FOSL1: variants seen among roughly 807,000 people sequenced by gnomAD.
The protein encoded by FOSL1 is fos-related antigen 1.
Under a neutral mutation model 24.9 loss-of-function variants are expected in FOSL1, and 14 were observed. The observed-to-expected ratio is 0.56, with a 90% CI of 0.37 to 0.88. The LOEUF (loss-of-function observed/expected upper bound fraction) is 0.88. Among genes scored for constraint, FOSL1 ranks in the 40% least tolerant of loss-of-function variants. FOSL1 has a pLI of 0.00. For synonymous variants in FOSL1, 133 were observed against 145.1 expected (o/e 0.92, Z 0.60); for missense variants, 318 against 359.8 (o/e 0.88, Z 0.94).
chr11:65,900,271 C>T lies in FOSL1; in HGVS notation c.69G>A (p.Gln23=). 1 of 1,244,316 alleles carries T rather than the reference C, an allele frequency of 8.0e-7. No homozygotes were observed. Among genetic ancestry groups the T allele is most frequent in the Non-Finnish European group, 1.0e-6 (1 of 994,046 alleles). 77.1% of individuals were successfully genotyped at this position (1,244,316 alleles called of 1,614,324 possible). Residue 23 remains glutamine (Q), a synonymous_variant, in exon 1 of 4, where the codon CAG becomes CAA. Coordinates refer to ENST00000312562, the MANE Select transcript of FOSL1 (RefSeq NM_005438.5). ...GGGCTGCCTGCGCTGCGGCCGGGGGCTGCGCGGGGCCGCCGTACCCGCCGC... is the reference window on the plus strand; with the variant it reads ...GGGCTGCCTGCGCTGCGGCCGGGGGTTGCGCGGGGCCGCCGTACCCGCCGC... ...GNGGGYGGPA[Q]PPAAAQAAQQ... is the part of the protein sequence containing the mutation.
rs546654738 is a variant in FOSL1, at chr11:65,894,236, C to T, written c.298-115G>A. 8 of 721,324 alleles carry T rather than the reference C, an allele frequency of 1.1e-5. No homozygotes were observed. In the South Asian group the frequency reaches 1.3e-4, roughly 12 times the overall value. The allele number at this position is 721,324 out of a possible 1,614,324, so 44.7% of individuals were successfully genotyped here. A position where few individuals can be genotyped will look rare whatever the true frequency, so the allele number is the denominator to read the frequency against. On this transcript the variant is annotated intron_variant, in intron 2 of 3. Coordinates refer to ENST00000312562, the MANE Select transcript of FOSL1 (RefSeq NM_005438.5). The stretch of plus-strand genomic sequence containing the variant: ...AGAGGTCATGGCAGGGCCCCCTCAG[C>T]CGGTGATTTAGGGATCACTGCACCC...
chr11:65,893,748 A>C (rs1860454448), intron 3 of FOSL1, among the ~76,000 whole-genome samples: 1 of 152,060 alleles, frequency 6.6e-6, no homozygotes, highest in Non-Finnish European at 1.5e-5. Context: ...CCATGAGCCG[A>C]GATCTCATCA....
At chr11:65,897,200 A>C (rs1860550347) in intron 1 of FOSL1, among the ~76,000 whole-genome samples, 194 bp from the exon 2 acceptor site, 1 of 152,146 alleles carries the variant, frequency 6.6e-6, no homozygotes, top group Admixed American at 6.5e-5. Flanking sequence ...GGGGCAGGTC[A>C]CATAACCTCT....
Position 65,893,284 on chromosome 11 carries a change from G to GTT in FOSL1, c.416_417dup (p.Leu140AsnfsTer23). 6.2e-7 allele frequency: 1 copy of GTT among 1,608,652 alleles called. No individual in the cohort carries two copies. The highest frequency in any genetic ancestry group is 8.5e-7 in the Non-Finnish European group (1 of 1,177,198). ...TGCAGCCCAGATTTCTCATCTTCCAGTTTGTCAGTCTCCTGTAGAAGATCA... is the reference window on the plus strand; with the variant it reads ...TGCAGCCCAGATTTCTCATCTTCCAGTTTTTGTCAGTCTCCTGTAGAAGATCA... On this transcript the variant is annotated frameshift_variant, in exon 4 of 4. Coordinates refer to ENST00000312562, the MANE Select transcript of FOSL1 (RefSeq NM_005438.5). LOFTEE classifies it high-confidence loss of function.
Position 65,893,359 on chromosome 11 carries a change from T to C in FOSL1, c.406-63A>G, listed in dbSNP as rs1860442063. The C allele has an allele frequency of 7.7e-6, 11 of 1,429,918 alleles. No homozygotes were observed. In the South Asian group the frequency reaches 9.2e-5, roughly 12 times the overall value. 88.6% of individuals were successfully genotyped at this position (1,429,918 alleles called of 1,614,324 possible). On this transcript the variant is annotated intron_variant, in intron 3 of 3. Transcript: ENST00000312562. ...CTGAATACCCCAGAGCCGCAGACGT[T>C]TGGACTCAGGGTTCTGAGGAGCTGG...
At position 65,900,369 on chromosome 11, in the gene FOSL1, C is replaced by G; in HGVS notation, c.-30G>C. 1 of 1,166,494 alleles carries G rather than the reference C, an allele frequency of 8.6e-7. No homozygotes were observed. Among genetic ancestry groups the G allele is most frequent in the East Asian group, 3.2e-5 (1 of 31,344 alleles). 72.3% of individuals were successfully genotyped at this position (1,166,494 alleles called of 1,614,324 possible). A position where few individuals can be genotyped will look rare whatever the true frequency, so the allele number is the denominator to read the frequency against. On this transcript the variant is annotated 5_prime_UTR_variant, in exon 1 of 4. Transcript: ENST00000312562. Reference sequence around the variant, plus strand: ...GGGGCTGGCGGCTCTGCGGGGTACACGGCTGCTGGGTTCTGACTCACCCGC... The same window carrying G: ...GGGGCTGGCGGCTCTGCGGGGTACAGGGCTGCTGGGTTCTGACTCACCCGC...
At chr11:65,900,412 CT>C (rs1211096413), upstream of FOSL1, 3 of 877,610 alleles carry the variant, frequency 3.4e-6, no homozygotes, top group Non-Finnish European at 3.0e-6. Context: ...GGAGTCTTTT[CT>C]TTTTATGAAT....
At chr11:65,899,913 C>T (rs1197902526) in intron 1 of FOSL1, among the ~76,000 whole-genome samples, 1 of 152,220 alleles carries the variant, frequency 6.6e-6, no homozygotes, top group Admixed American at 6.5e-5. Context: ...GAGGCGACCA[C>T]CCTAGGCGCC....
Position 65,893,085 on chromosome 11 carries a change from G to A in FOSL1, c.617C>T (p.Pro206Leu), listed in dbSNP as rs375012989. The A allele has an allele frequency of 6.9e-5, 111 of 1,612,340 alleles. No homozygotes were observed. Among genetic ancestry groups the A allele is most frequent in the Non-Finnish European group, 9.3e-5 (110 of 1,179,530 alleles). Reference protein sequence around the residue: ...CRPVPCISLSPGPVLEPEALH... With the variant: ...CRPVPCISLSLGPVLEPEALH... ...TGCCTCAGGTTCAAGCACAGGCCCTGGGGAAAGGGAGATACAAGGTACAGG... is the reference window on the plus strand; with the variant it reads ...TGCCTCAGGTTCAAGCACAGGCCCTAGGGAAAGGGAGATACAAGGTACAGG... Residue 206 changes from proline to leucine, a missense_variant, in exon 4 of 4, where the codon CCA becomes CTA. Pro to Leu is a moderately conservative substitution (Grantham distance 98). Transcript: ENST00000312562.
At chr11:65,899,766 A>T (rs1220289549) in intron 1 of FOSL1, among the ~76,000 whole-genome samples, 1 of 151,996 alleles carries the variant, frequency 6.6e-6, no homozygotes, top group Non-Finnish European at 1.5e-5. Flanking sequence ...AGGGTCGCAG[A>T]CCGGGCCGGG....
chr11:65,899,249 G>A (rs1461560117), intron 1 of FOSL1, among the ~76,000 whole-genome samples: 1 of 152,188 alleles, frequency 6.6e-6, no homozygotes, highest in Non-Finnish European at 1.5e-5. Flanking sequence ...GGCAAGTCCC[G>A]ACAGCGGTAG....
At chr11:65,893,784 C>A (rs1040505384) in intron 3 of FOSL1, among the ~76,000 whole-genome samples, 1 of 151,830 alleles carries the variant, frequency 6.6e-6, no homozygotes, top group Admixed American at 6.6e-5. Context: ...GGTGACAGAG[C>A]GAGACTCTGT....
At chr11:65,900,181 T>G (rs1383573854) in intron 1 of FOSL1, 60 bp downstream of exon 1, 16 of 853,686 alleles carry the variant, frequency 1.9e-5, no homozygotes, top group Non-Finnish European at 2.3e-5. Flanking sequence ...GTGCGGGAGT[T>G]GACCCCGGCC....
intron 2 of FOSL1, 143 bp from the exon 3 acceptor site, chr11:65,894,264 C>A: frequency 1.6e-6 from 1 of 637,466 alleles, no homozygotes; most frequent in Admixed American, 2.6e-5. Flanking sequence ...CTGCACCCAA[C>A]CAGTTCCCTG....
In FOSL1 at chr11:65,892,822, CG is replaced by C. The variant is rs1860420635; in HGVS notation, c.*63del. 10 of 1,524,058 alleles carry C rather than the reference CG, an allele frequency of 6.6e-6. No homozygotes were observed. Among genetic ancestry groups the C allele is most frequent in the Non-Finnish European group, 9.0e-6 (10 of 1,116,602 alleles). The allele number at this position is 1,524,058 out of a possible 1,614,324, so 94.4% of individuals were successfully genotyped here. ...GGGATACTGTCCAGGCCAGCTGGAC[CG>C]GTGGGGGAAGGGGAGGAGACATTGG... On this transcript the variant is annotated 3_prime_UTR_variant, in exon 4 of 4. Transcript: ENST00000312562.
chr11:65,895,305 T>C (rs771712278), intron 2 of FOSL1, among the ~76,000 whole-genome samples: 7 of 151,876 alleles, frequency 4.6e-5, no homozygotes, highest in Non-Finnish European at 1.0e-4. Flanking sequence ...TTGTATTTTT[T>C]AGTAGAGACA....
intron 2 of FOSL1, among the ~76,000 whole-genome samples, chr11:65,895,224 C>T (rs1860497124): frequency 6.7e-6 from 1 of 149,378 alleles, no homozygotes; most frequent in African/African-American, 2.5e-5. Context: ...CCGGGGTTCA[C>T]GCCATTCTCC....
At chr11:65,894,256 G>T in intron 2 of FOSL1, 135 bp from the exon 3 acceptor site, 1 of 650,472 alleles carries the variant, frequency 1.5e-6, no homozygotes, top group Non-Finnish European at 2.7e-6. Flanking sequence ...AGGGATCACT[G>T]CACCCAACCA....
At chr11:65,896,774 G>A (rs190968425) in intron 2 of FOSL1, 35 bp downstream of exon 2, 60 of 1,526,732 alleles carry the variant, frequency 3.9e-5, no homozygotes, top group Admixed American at 2.1e-4. Context: ...ACTCCTGGGC[G>A]GGGTCGGAAC....
Sources: allele counts gnomAD v4.1 joint callset (sites outside exome capture counted in the v4.1 genomes callset), GRCh38; gene constraint gnomAD v4.1.1; transcripts MANE v1.5; gene names NCBI Gene and HGNC (gene_info 2026-07-23, HGNC 2026-07-21).